Variants in TRDMT1 observed in about 807,000 individuals in gnomAD.
The protein encoded by TRDMT1 is tRNA aspartic acid methyltransferase 1.
Under a neutral mutation model 51.2 loss-of-function variants are expected in TRDMT1, and 49 were observed. That is an observed-to-expected ratio of 0.96 (90% confidence interval 0.76 to 1.21). The LOEUF is 1.21. Among genes scored for constraint, TRDMT1 ranks in the 50% most tolerant of loss-of-function variants. The probability of loss-of-function intolerance (pLI) is 0.00; values close to 1 mark genes in which losing one functional copy is unlikely to be tolerated. For synonymous variants in TRDMT1, 187 were observed against 164.6 expected (o/e 1.14, Z -1.04); for missense variants, 534 against 462.3 (o/e 1.16, Z -1.42).
chr10:17,195,332 C>T (rs966363141), intron 1 of TRDMT1, among the ~76,000 whole-genome samples: 4 of 152,154 alleles, frequency 2.6e-5, no homozygotes, highest in African/African-American at 9.7e-5. Flanking sequence ...AGGCCATTAT[C>T]CTTAGTGAAT....
At chr10:17,196,339 T>C (rs749713472) in intron 1 of TRDMT1, among the ~76,000 whole-genome samples, 5 of 152,236 alleles carry the variant, frequency 3.3e-5, no homozygotes, top group Non-Finnish European at 5.9e-5. Flanking sequence ...TTTGACTATA[T>C]AGAAAACAGT....
chr10:17,144,566 G>A lies in TRDMT1; in HGVS notation c.*4474C>T, dbSNP rs1231610718. On this transcript the variant is annotated 3_prime_UTR_variant, in exon 11 of 11. Coordinates refer to ENST00000377799, the MANE Select transcript of TRDMT1 (RefSeq NM_004412.7). ...CTGAAAGTAAGACTCAGAATCTATG[G>A]TAAATATAAAGCCAATGTATATGAG... 1 of 985,524 alleles carries A rather than the reference G, an allele frequency of 1.0e-6. No homozygotes were observed. Among genetic ancestry groups the A allele is most frequent in the African/African-American group, 1.7e-5 (1 of 57,216 alleles). 61.0% of individuals were successfully genotyped at this position (985,524 alleles called of 1,614,324 possible).
rs144539985 is a variant in TRDMT1 at position 17,173,938 on chromosome 10, T to C, written c.174+613A>G. On this transcript the variant is annotated intron_variant, in intron 2 of 10. Coordinates refer to ENST00000377799, the MANE Select transcript of TRDMT1 (RefSeq NM_004412.7). ...TGCCAACACACCTGGCTAATTTTTG[T>C]ATTTTTAGTAGAGACCAGGTTTTGC... is the stretch of plus-strand genomic sequence containing the variant. Among the ~76,000 whole-genome samples the C allele has an allele frequency of 9.1e-3, 1,387 of 152,268 alleles. 27 individuals are homozygous for C. Among genetic ancestry groups the C allele is most frequent in the African/African-American group, 0.031 (1,294 of 41,548 alleles).
In TRDMT1 at chr10:17,147,414, T is replaced by A. The variant is rs1838215257; in HGVS notation, c.*1626A>T. On this transcript the variant is annotated 3_prime_UTR_variant, in exon 11 of 11. Transcript: ENST00000377799. ...GCAGTAAAATATACATAATGTAAAATTTATCATTTTAACTATTTTTAAATA... is the reference window on the plus strand; with the variant it reads ...GCAGTAAAATATACATAATGTAAAAATTATCATTTTAACTATTTTTAAATA... 2 of 886,478 alleles carry A rather than the reference T, an allele frequency of 2.3e-6. No homozygotes were observed. The highest frequency in any genetic ancestry group is 3.6e-5 in the African/African-American group (2 of 55,234). 54.9% of individuals were successfully genotyped at this position (886,478 alleles called of 1,614,324 possible).
rs36012341 is a variant in TRDMT1 at position 17,190,433 on chromosome 10, C to CAA, written c.64+11136_64+11137dup. 1.0e-4 allele frequency among the ~76,000 whole-genome samples: 13 copies of CAA among 128,092 alleles called. 1 individual carries two copies. The highest frequency in any genetic ancestry group is 3.4e-4 in the African/African-American group (11 of 32,502). The allele number at this position is 128,092 out of a possible 152,430, so 84.0% of individuals were successfully genotyped here. On this transcript the variant is annotated intron_variant, in intron 1 of 10. Transcript: ENST00000377799. The stretch of plus-strand genomic sequence containing the variant: ...ATATTTCTTGACAGGAATAAAAGAG[C>CAA]AAAAAAAAAAAAAAACCACTTAAAC...
In TRDMT1 at chr10:17,159,230, C is replaced by T. The variant is rs754780154; in HGVS notation, c.460-1G>A. 16 of 1,597,462 alleles carry T rather than the reference C, an allele frequency of 1.0e-5. No individual in the cohort carries two copies. Among genetic ancestry groups the T allele is most frequent in the Non-Finnish European group, 1.4e-5 (16 of 1,171,882 alleles). ...GTAGCCTTGAATTTGGAATGCCAAG[C>T]TGTAAGCAAAGCAAAGCAGTTAGTT... On this transcript the variant is annotated splice_acceptor_variant, in intron 6 of 10. Coordinates refer to ENST00000377799, the MANE Select transcript of TRDMT1 (RefSeq NM_004412.7). LOFTEE classifies it high-confidence loss of function.
intron 1 of TRDMT1, among the ~76,000 whole-genome samples, chr10:17,186,315 A>G (rs1402452664): frequency 6.6e-6 from 1 of 152,122 alleles, no homozygotes; most frequent in Non-Finnish European, 1.5e-5. Context: ...TGAAGATGTG[A>G]TTAAACTTGA....
At chr10:17,152,598 C>T (rs115048404) in intron 10 of TRDMT1, among the ~76,000 whole-genome samples, 5,132 of 152,250 alleles carry the variant, frequency 0.034, 279 homozygotes, top group African/African-American at 0.12. Context: ...GGGAAGCATT[C>T]GAGGGACGTG....
At position 17,147,985 on chromosome 10, in the gene TRDMT1, A is replaced by G; in HGVS notation, c.*1055T>C. On this transcript the variant is annotated 3_prime_UTR_variant, in exon 11 of 11. Coordinates refer to ENST00000377799, the MANE Select transcript of TRDMT1 (RefSeq NM_004412.7). ...CTCTAAATAGCTGATTTTTAAGAAG[A>G]AAAATTTGAATTAAAATCTTGTAAT... 1 of 984,554 alleles carries G rather than the reference A, an allele frequency of 1.0e-6. No individual in the cohort carries two copies. The highest frequency in any genetic ancestry group is 1.2e-6 in the Non-Finnish European group (1 of 829,108). 61.0% of individuals were successfully genotyped at this position (984,554 alleles called of 1,614,324 possible).
At chr10:17,151,673 T>C (rs1838759038) in intron 10 of TRDMT1, 1 of 950,276 alleles carries the variant, frequency 1.1e-6, no homozygotes, top group Admixed American at 6.1e-5. Flanking sequence ...CTTTGAAAAA[T>C]TCTATTTCAC....
intron 10 of TRDMT1, chr10:17,151,425 T>C: frequency 1.0e-6 from 1 of 975,650 alleles, no homozygotes; most frequent in Non-Finnish European, 1.2e-6. Flanking sequence ...GGACAGAGGG[T>C]TTGGAAGGAT....
intron 1 of TRDMT1, among the ~76,000 whole-genome samples, chr10:17,200,111 T>C (rs1021345634): frequency 6.6e-6 from 1 of 152,240 alleles, no homozygotes; most frequent in Non-Finnish European, 1.5e-5. Context: ...TAAGTCTTAC[T>C]GTTGAATTAA....
chr10:17,188,834 G>A (rs933166898), intron 1 of TRDMT1, among the ~76,000 whole-genome samples: 11 of 152,106 alleles, frequency 7.2e-5, no homozygotes, highest in Admixed American at 1.3e-4. Flanking sequence ...TGTGATTTCC[G>A]CGAAGTAATC....
rs116109455 is a variant in TRDMT1 at position 17,188,832 on chromosome 10, C to G, written c.64+12739G>C. On this transcript the variant is annotated intron_variant, in intron 1 of 10. Transcript: ENST00000377799. The stretch of plus-strand genomic sequence containing the variant: ...AATACCCAGTAGCTATTTGTGATTT[C>G]CGCGAAGTAATCACCTACTGTATTG... Among the ~76,000 whole-genome samples the G allele has an allele frequency of 4.5e-3, 690 of 152,236 alleles. 10 individuals carry two copies. The highest frequency in any genetic ancestry group is 0.016 in the African/African-American group (658 of 41,542).
intron 1 of TRDMT1, among the ~76,000 whole-genome samples, chr10:17,194,328 C>T (rs1238896006): frequency 2.0e-5 from 3 of 152,128 alleles, no homozygotes; most frequent in Non-Finnish European, 4.4e-5. Context: ...AAACTACAGA[C>T]CTTCGGCACA....
chr10:17,171,455 A>C (rs1842002415), intron 2 of TRDMT1: 1 of 152,132 alleles, frequency 6.6e-6, no homozygotes, highest in Non-Finnish European at 1.5e-5. Context: ...AATGGAACCG[A>C]GAGAGTGGCA....
intron 1 of TRDMT1, among the ~76,000 whole-genome samples, chr10:17,180,522 A>G (rs557615246): frequency 7.0e-6 from 1 of 143,052 alleles, no homozygotes; most frequent in South Asian, 2.5e-4. Flanking sequence ...CCTGGGCAAA[A>G]GAGCGGAACT....
intron 1 of TRDMT1, chr10:17,200,572 C>T (rs1333236680): frequency 6.0e-6 from 1 of 167,182 alleles, no homozygotes; most frequent in Non-Finnish European, 1.5e-5. Flanking sequence ...AGTTTCAGTT[C>T]GGTGGTTGTC....
At chr10:17,201,230 A>AAT in intron 1 of TRDMT1, 1 of 218,910 alleles carries the variant, frequency 4.6e-6, no homozygotes, top group Non-Finnish European at 9.0e-6. Flanking sequence ...CGGTGGCTGC[A>AAT]CACTTAGAAT....
Sources: allele counts gnomAD v4.1 joint callset (sites outside exome capture counted in the v4.1 genomes callset), GRCh38; gene constraint gnomAD v4.1.1; transcripts MANE v1.5; gene names NCBI Gene and HGNC (gene_info 2026-07-23, HGNC 2026-07-21).